Variants in C7 observed in about 807,000 individuals in gnomAD.
C7 encodes complement C7, also known as complement component C7.
A neutral mutation model predicts 104.8 loss-of-function variants in C7; 83 were observed. The observed-to-expected ratio is 0.79, with a 90% confidence interval of 0.66 to 0.95. The LOEUF is 0.95. C7 is among the 40% of genes least tolerant of loss of function. The probability of loss-of-function intolerance (pLI) is 0.00; values close to 1 mark genes in which losing one functional copy is unlikely to be tolerated. For synonymous variants in C7, 415 were observed against 360.6 expected, an observed-to-expected ratio of 1.15 and a Z score of -1.71; for missense variants, 1,070 against 1,011.2, an observed-to-expected ratio of 1.06 and a Z score of -0.79.
Position 40,981,757 on chromosome 5 carries a change from T to C in C7, c.*184T>C. 3.9e-6 allele frequency: 2 copies of C among 511,178 alleles called. No individual in the cohort carries two copies. Among genetic ancestry groups the C allele is most frequent in the East Asian group, 3.0e-5 (1 of 33,262 alleles). 31.7% of individuals were successfully genotyped at this position (511,178 alleles called of 1,614,324 possible). A position where few individuals can be genotyped will look rare whatever the true frequency, so the allele number is the denominator to read the frequency against. On this transcript the variant is annotated 3_prime_UTR_variant, in exon 18 of 18. Transcript: ENST00000313164. The stretch of plus-strand genomic sequence containing the variant: ...CTCCCAAATCTGAATCGAATTACTC[T>C]TTTGCCTCCTTTTTAATGTCAGTAA...
chr5:40,941,663 G>A (rs773792628), intron 6 of C7, among the ~76,000 whole-genome samples: 4 of 152,134 alleles, frequency 2.6e-5, no homozygotes, highest in Non-Finnish European at 2.9e-5. Flanking sequence ...AACTTGGTGA[G>A]CGGCTGAATG....
chr5:40,933,940 C>CTTTT (rs200031049), intron 3 of C7, among the ~76,000 whole-genome samples: 2 of 142,670 alleles, frequency 1.4e-5, no homozygotes, highest in African/African-American at 5.2e-5. Flanking sequence ...TTTTTCTTTT[C>CTTTT]TTTTTTTTTT....
chr5:40,979,145 A>C (rs904008858), intron 16 of C7, among the ~76,000 whole-genome samples: 6 of 152,122 alleles, frequency 3.9e-5, no homozygotes, highest in Admixed American at 3.9e-4. Context: ...CTCCCAAAGC[A>C]CTGGGATTAC....
chr5:40,921,931 A>G (rs1251471612), intron 1 of C7, among the ~76,000 whole-genome samples: 2 of 151,964 alleles, frequency 1.3e-5, no homozygotes, highest in Non-Finnish European at 2.9e-5. Context: ...CCAGCTACTC[A>G]GGAGACTGAG....
rs1052846770 is a variant in C7 at position 40,984,138 on chromosome 5, G to A, written c.*2565G>A. Reference sequence around the variant, plus strand: ...GAAGTGCCTTCCTGTGACATCTTATGTATTTCCTAATTGATCAAAAGTAGT... The same window carrying A: ...GAAGTGCCTTCCTGTGACATCTTATATATTTCCTAATTGATCAAAAGTAGT... On this transcript the variant is annotated 3_prime_UTR_variant, in exon 18 of 18. Coordinates refer to ENST00000313164, the MANE Select transcript of C7 (RefSeq NM_000587.4). Among the ~76,000 whole-genome samples the A allele has an allele frequency of 6.6e-6, 1 of 152,178 alleles. No homozygotes were observed. The highest frequency in any genetic ancestry group is 6.5e-5 in the Admixed American group (1 of 15,272).
chr5:40,930,977 A>G (rs1278649773), intron 2 of C7, 87 bp from the exon 3 acceptor site: 1 of 882,092 alleles, frequency 1.1e-6, no homozygotes, highest in Non-Finnish European at 1.9e-6. Context: ...GCAACATTTA[A>G]CTATTTTTGA....
At chr5:40,964,019 A>C (rs1353775926) in intron 13 of C7, among the ~76,000 whole-genome samples, 2 of 87,656 alleles carry the variant, frequency 2.3e-5, no homozygotes, top group Non-Finnish European at 5.0e-5. Flanking sequence ...AGCTCATAAT[A>C]CTTTTTTTTT....
intron 2 of C7, among the ~76,000 whole-genome samples, chr5:40,929,777 G>A (rs553103861): frequency 6.6e-6 from 1 of 152,184 alleles, no homozygotes; most frequent in Non-Finnish European, 1.5e-5. Flanking sequence ...TTTTAGTGGA[G>A]CTGTTTAAGC....
rs1740341374 is a variant in C7 at position 40,958,200 on chromosome 5, T to C, written c.1428T>C (p.His476=). ...TTGAGGGGACCCATTGTCTGTGCCA[T>C]TGCAAACCGTACACATTTGGTGCGG... is the stretch of plus-strand genomic sequence containing the variant. ...ATVEGTHCLC[H]CKPYTFGAAC... Residue 476 remains histidine, a synonymous_variant, in exon 11 of 18, where the codon CAT becomes CAC. Transcript: ENST00000313164. The C allele has an allele frequency of 6.2e-7, 1 of 1,613,576 alleles. No homozygotes were observed. Among genetic ancestry groups the C allele is most frequent in the African/African-American group, 1.3e-5 (1 of 74,914 alleles).
At chr5:40,978,999 C>A (rs1156735453) in intron 16 of C7, among the ~76,000 whole-genome samples, 1 of 149,008 alleles carries the variant, frequency 6.7e-6, no homozygotes, top group Non-Finnish European at 1.5e-5. Context: ...CATGCTTCAG[C>A]CTCCTGAGTA....
At position 40,962,167 on chromosome 5, in the gene C7, G is replaced by A. The variant is rs1436649942; in HGVS notation, c.1744G>A (p.Val582Ile). The change falls in exon 13 of 18, where the codon GTT becomes ATT. Residue 582 changes from valine (V) to isoleucine (I), a missense_variant. Transcript: ENST00000313164. Reference sequence around the variant, plus strand: ...ACCTCCTGCCTTGAAAGATGGATTTGTTCAAGTTGGTTATGAAAGATATTT... The same window carrying A: ...ACCTCCTGCCTTGAAAGATGGATTTATTCAAGTTGGTTATGAAAGATATTT... ...PSPPALKDGF[V>I]QDEGTMFPVG... is the part of the protein sequence containing the mutation. 1 of 1,536,818 alleles carries A rather than the reference G, an allele frequency of 6.5e-7. No homozygotes were observed.
At chr5:40,948,127 T>G (rs976182106) in intron 8 of C7, among the ~76,000 whole-genome samples, 6 of 152,150 alleles carry the variant, frequency 3.9e-5, no homozygotes, top group Admixed American at 6.6e-5. Context: ...TTTTAAACTT[T>G]CCACTTTCTC....
In C7 at chr5:40,959,636, C is replaced by T; in HGVS notation, c.1661+16C>T. Reference sequence around the variant, plus strand: ...AGCACTTGAGGTAATGGAGACCCGACCCCCTGGCAGTTGCATAGAACACAG... The same window carrying T: ...AGCACTTGAGGTAATGGAGACCCGATCCCCTGGCAGTTGCATAGAACACAG... On this transcript the variant is annotated intron_variant, in intron 12 of 17. Transcript: ENST00000313164. 1 of 1,559,350 alleles carries T rather than the reference C, an allele frequency of 6.4e-7. No homozygotes were observed. Among genetic ancestry groups the T allele is most frequent in the Non-Finnish European group, 8.7e-7 (1 of 1,152,856 alleles).
rs992956737 is a variant in C7 at position 40,982,985 on chromosome 5, T to C, written c.*1412T>C. The C allele has an allele frequency of 6.6e-6, 1 of 152,402 alleles. No homozygotes were observed. The highest frequency in any genetic ancestry group is 2.4e-5 in the African/African-American group (1 of 41,474). 9.4% of individuals were successfully genotyped at this position (152,402 alleles called of 1,614,324 possible). On this transcript the variant is annotated 3_prime_UTR_variant, in exon 18 of 18. Coordinates refer to ENST00000313164, the MANE Select transcript of C7 (RefSeq NM_000587.4). ...TTCATTTTAGAGAAGATTTTCATGA[T>C]GAATGGTTAATGTGTTCTTGCCTGA... is the stretch of plus-strand genomic sequence containing the variant.
chr5:40,932,517 A>G (rs12658133), intron 3 of C7, among the ~76,000 whole-genome samples: 27,379 of 152,140 alleles, frequency 0.18, 2,666 homozygotes, highest in East Asian at 0.31. Context: ...ACAGAATCAT[A>G]CCATAGAAGA....
chr5:40,913,088 A>G (rs1414375256), intron 1 of C7, among the ~76,000 whole-genome samples: 1 of 152,206 alleles, frequency 6.6e-6, no homozygotes, highest in East Asian at 1.9e-4. Flanking sequence ...TTCACTTAAT[A>G]TAATGGCCTC....
intron 12 of C7, among the ~76,000 whole-genome samples, 197 bp from the exon 13 acceptor site, chr5:40,961,888 G>A (rs1403075423): frequency 6.6e-6 from 1 of 151,962 alleles, no homozygotes; most frequent in Admixed American, 6.6e-5. Context: ...ACTGTCTTTT[G>A]TTAGCTTGAG....
At chr5:40,916,326 C>T (rs114673366) in intron 1 of C7, among the ~76,000 whole-genome samples, 1,964 of 152,172 alleles carry the variant, frequency 0.013, 55 homozygotes, top group African/African-American at 0.046. Flanking sequence ...CATAAAAGGC[C>T]TCAGGAGTGT....
intron 6 of C7, among the ~76,000 whole-genome samples, chr5:40,941,060 TTC>T (rs1426699653): frequency 3.0e-5 from 4 of 134,712 alleles, no homozygotes; most frequent in Non-Finnish European, 6.6e-5. Flanking sequence ...AGAGGAACAC[TTC>T]TTTTTTTTTT....
Sources: gnomAD v4.1 joint callset for allele counts (sites outside exome capture counted in the v4.1 genomes callset) on GRCh38, gnomAD v4.1.1 for gene constraint, MANE v1.5 for transcripts, NCBI Gene and HGNC (gene_info 2026-07-23, HGNC 2026-07-21) for gene names.